Variants in MYCBP2 observed in about 807,000 individuals in gnomAD.
The protein encoded by MYCBP2 is E3 ubiquitin-protein ligase MYCBP2.
In MYCBP2, 120 loss-of-function variants were observed where a neutral mutation model predicts 525.3. That is an observed-to-expected ratio of 0.23 (90% CI 0.20 to 0.27). The LOEUF (loss-of-function observed/expected upper bound fraction) is 0.27. MYCBP2 is among the 10% of genes least tolerant of loss of function. The probability of loss-of-function intolerance (pLI) is 1.00; values close to 1 mark genes in which losing one functional copy is unlikely to be tolerated. For synonymous variants in MYCBP2, 1,894 were observed against 1,955.8 expected, an observed-to-expected ratio of 0.97 and a Z score of 0.83; for missense variants, 4,149 against 5,657.1, an observed-to-expected ratio of 0.73 and a Z score of 8.55.
At chr13:77,082,927 T>A in intron 63 of MYCBP2, 105 bp downstream of exon 63, 1 of 1,120,812 alleles carries the variant, frequency 8.9e-7, no homozygotes, top group Non-Finnish European at 1.3e-6. Flanking sequence ...AATGTAGGGA[T>A]TCTATCTTAC....
chr13:77,210,962 T>C (rs1417614535), intron 23 of MYCBP2, among the ~76,000 whole-genome samples: 1 of 152,178 alleles, frequency 6.6e-6, no homozygotes, highest in Non-Finnish European at 1.5e-5. Flanking sequence ...GGGATAAACC[T>C]AGGTAGTGTT....
intron 17 of MYCBP2, 137 bp downstream of exon 17, chr13:77,242,922 T>G: frequency 3.0e-6 from 2 of 670,350 alleles, no homozygotes; most frequent in Non-Finnish European, 5.2e-6. Context: ...TCCCATTATA[T>G]GAGTTATCAG....
At chr13:77,134,503 C>T (rs748782328) in intron 52 of MYCBP2, among the ~76,000 whole-genome samples, 25 of 151,678 alleles carry the variant, frequency 1.6e-4, no homozygotes, top group Admixed American at 9.2e-4. Context: ...CACTGAACTC[C>T]AGCTTGGGTG....
intron 21 of MYCBP2, 66 bp downstream of exon 21, chr13:77,217,774 C>A: frequency 1.1e-6 from 1 of 919,750 alleles, no homozygotes; most frequent in Non-Finnish European, 1.7e-6. Flanking sequence ...GAAAAAAGAG[C>A]TAATATAGAC....
intron 14 of MYCBP2, among the ~76,000 whole-genome samples, chr13:77,253,696 T>C (rs1019699168): frequency 2.0e-5 from 3 of 152,010 alleles, no homozygotes; most frequent in African/African-American, 7.2e-5. Flanking sequence ...CAAGATACTA[T>C]GTATATTTTC....
chr13:77,156,647 A>C (rs2057246286), intron 45 of MYCBP2, among the ~76,000 whole-genome samples: 1 of 152,200 alleles, frequency 6.6e-6, no homozygotes, highest in South Asian at 2.1e-4. Flanking sequence ...CTTGCCTGAC[A>C]GCAGCCAGGT....
At chr13:77,182,187 T>A (rs1444760754) in intron 32 of MYCBP2, among the ~76,000 whole-genome samples, 1 of 152,216 alleles carries the variant, frequency 6.6e-6, no homozygotes, top group Non-Finnish European at 1.5e-5. Flanking sequence ...TTTTTATATT[T>A]TCATATCCTC....
intron 39 of MYCBP2, 150 bp downstream of exon 39, chr13:77,169,464 A>T: frequency 1.6e-6 from 1 of 633,676 alleles, no homozygotes; most frequent in Non-Finnish European, 2.8e-6. Flanking sequence ...AAGAAGAGAG[A>T]AGTTTAATAA....
chr13:77,181,674 T>G, intron 33 of MYCBP2, 27 bp downstream of exon 33: 1 of 1,585,262 alleles, frequency 6.3e-7, no homozygotes, highest in South Asian at 1.1e-5. Context: ...AGTGCCTCTG[T>G]ATAAAAGATT....
chr13:77,067,349 T>A (rs976947616), intron 71 of MYCBP2, among the ~76,000 whole-genome samples: 1 of 152,226 alleles, frequency 6.6e-6, no homozygotes, highest in African/African-American at 2.4e-5. Flanking sequence ...GAATTTTTTT[T>A]AACATGGATA....
chr13:77,195,483 G>A (rs868480654), intron 26 of MYCBP2, among the ~76,000 whole-genome samples: 24 of 152,236 alleles, frequency 1.6e-4, no homozygotes, highest in African/African-American at 5.5e-4. Context: ...TGTAGTCCCA[G>A]CTACTCGGGA....
intron 4 of MYCBP2, among the ~76,000 whole-genome samples, chr13:77,278,141 C>T (rs1054556094): frequency 9.8e-5 from 15 of 152,294 alleles, no homozygotes; most frequent in African/African-American, 3.1e-4. Context: ...AAAGTCCCCT[C>T]AATTTAGAAA....
chr13:77,232,024 T>A (rs918346395), intron 18 of MYCBP2, among the ~76,000 whole-genome samples: 3 of 152,224 alleles, frequency 2.0e-5, no homozygotes, highest in Non-Finnish European at 2.9e-5. Context: ...AAAACACTAT[T>A]TTTATTTCTG....
intron 55 of MYCBP2, chr13:77,103,079 TAAATA>T (rs1040573594): frequency 4.1e-5 from 16 of 389,710 alleles, no homozygotes; most frequent in African/African-American, 2.9e-4. Flanking sequence ...TATATAAATG[TAAATA>T]AAATGATAAA....
intron 82 of MYCBP2, 81 bp from the exon 83 acceptor site, chr13:77,045,574 G>A: frequency 1.6e-5 from 13 of 810,890 alleles, no homozygotes; most frequent in Non-Finnish European, 2.4e-5. Context: ...ATAAATCACT[G>A]ATAGGTTATT....
chr13:77,230,094 T>G (rs2066918116), intron 18 of MYCBP2, among the ~76,000 whole-genome samples: 1 of 152,232 alleles, frequency 6.6e-6, no homozygotes, highest in East Asian at 1.9e-4. Context: ...ATTCAGTCTA[T>G]ATACTCTGCT....
chr13:77,165,515 T>C, intron 41 of MYCBP2, 124 bp from the exon 42 acceptor site: 1 of 697,910 alleles, frequency 1.4e-6, no homozygotes. Flanking sequence ...ATATACTACA[T>C]AACTTAAATA....
chr13:77,221,514 T>C (rs1233264460), intron 20 of MYCBP2, among the ~76,000 whole-genome samples: 1 of 152,160 alleles, frequency 6.6e-6, no homozygotes. Context: ...GACTATAACA[T>C]GGCCATGCTT....
chr13:77,268,975 A>T (rs1478727184), intron 7 of MYCBP2, among the ~76,000 whole-genome samples: 1 of 152,158 alleles, frequency 6.6e-6, no homozygotes, highest in Non-Finnish European at 1.5e-5. Flanking sequence ...TCCTTATACA[A>T]AGGAACTTGG....
Sources: allele counts gnomAD v4.1 joint callset (sites outside exome capture counted in the v4.1 genomes callset), GRCh38; gene constraint gnomAD v4.1.1; transcripts MANE v1.5; gene names NCBI Gene and HGNC (gene_info 2026-07-23, HGNC 2026-07-21).